DNM3: variants seen among roughly 807,000 people sequenced by gnomAD.
DNM3 encodes dynamin-3.
In DNM3, 47 loss-of-function variants were observed where a neutral mutation model predicts 101.6. That is an observed-to-expected ratio of 0.46 (90% CI 0.37 to 0.59). The LOEUF (loss-of-function observed/expected upper bound fraction) is 0.59. DNM3 is among the 20% of genes least tolerant of loss of function. DNM3 has a pLI of 0.00. For missense variants in DNM3, 849 were observed against 1,085.7 expected (o/e 0.78, Z 3.06); for synonymous variants, 385 against 387.9 (o/e 0.99, Z 0.09).
chr1:172,257,505 A>G (rs984280582), intron 15 of DNM3, among the ~76,000 whole-genome samples: 1 of 152,044 alleles, frequency 6.6e-6, no homozygotes. Flanking sequence ...TTCATTCCTA[A>G]TAATGCACTT....
At chr1:172,145,300 T>TTCTGTCTG (rs1553394385) in intron 14 of DNM3, among the ~76,000 whole-genome samples, 1 of 150,892 alleles carries the variant, frequency 6.6e-6, no homozygotes, top group East Asian at 2.0e-4. Context: ...GCAGATAAGT[T>TTCTGTCTG]TCTGTCTGTC....
At chr1:172,029,908 G>T (rs1393204957) in intron 4 of DNM3, among the ~76,000 whole-genome samples, 1 of 152,046 alleles carries the variant, frequency 6.6e-6, no homozygotes, top group Non-Finnish European at 1.5e-5. Flanking sequence ...AATAAAAGAG[G>T]ATACAAATAA....
chr1:172,395,090 C>G (rs530098584), intron 20 of DNM3, among the ~76,000 whole-genome samples: 11 of 152,238 alleles, frequency 7.2e-5, no homozygotes, highest in African/African-American at 2.4e-4. Context: ...AGCTCTTTCA[C>G]CTCTAAATTT....
intron 20 of DNM3, among the ~76,000 whole-genome samples, chr1:172,396,695 T>A (rs1380963951): frequency 6.6e-6 from 1 of 152,244 alleles, no homozygotes; most frequent in Non-Finnish European, 1.5e-5. Flanking sequence ...TACCACTTGC[T>A]TCCATCATGT....
chr1:172,320,388 TA>T (rs1268509136), intron 16 of DNM3, among the ~76,000 whole-genome samples: 1 of 88,570 alleles, frequency 1.1e-5, no homozygotes, highest in African/African-American at 5.6e-5. Context: ...ATAATAATAA[TA>T]AAAAAAAGAA....
chr1:172,035,072 GGAGA>G (rs2048860840), intron 6 of DNM3, among the ~76,000 whole-genome samples: 1 of 152,214 alleles, frequency 6.6e-6, no homozygotes, highest in African/African-American at 2.4e-5. Flanking sequence ...AAGGGCCAGT[GGAGA>G]GTAAAAAAAG....
intron 14 of DNM3, among the ~76,000 whole-genome samples, chr1:172,154,599 G>T (rs2058267378): frequency 6.6e-6 from 1 of 152,076 alleles, no homozygotes; most frequent in South Asian, 2.1e-4. Context: ...AAACTAAAGT[G>T]AATGGCAAAG....
At chr1:172,331,803 C>G (rs2066197669) in intron 17 of DNM3, among the ~76,000 whole-genome samples, 1 of 152,046 alleles carries the variant, frequency 6.6e-6, no homozygotes, top group Non-Finnish European at 1.5e-5. Context: ...TTACTACTGT[C>G]AAAGTTTGAT....
chr1:172,159,894 G>A (rs2058480231), intron 14 of DNM3, among the ~76,000 whole-genome samples: 1 of 151,984 alleles, frequency 6.6e-6, no homozygotes, highest in Admixed American at 6.6e-5. Flanking sequence ...AGGTGGTAGA[G>A]CCTGCTATAT....
chr1:172,333,951 A>T (rs2066305521), intron 17 of DNM3, among the ~76,000 whole-genome samples: 2 of 152,170 alleles, frequency 1.3e-5, no homozygotes, highest in African/African-American at 4.8e-5. Flanking sequence ...TAGTCTCATA[A>T]ATTTTCTCAT....
chr1:172,330,711 G>T (rs2066145238), intron 17 of DNM3, among the ~76,000 whole-genome samples: 1 of 152,022 alleles, frequency 6.6e-6, no homozygotes, highest in Non-Finnish European at 1.5e-5. Flanking sequence ...TGAAGAGGAA[G>T]ATACTTAAAT....
At chr1:172,201,324 T>A (rs1191236171) in intron 14 of DNM3, among the ~76,000 whole-genome samples, 1 of 152,148 alleles carries the variant, frequency 6.6e-6, no homozygotes, top group Non-Finnish European at 1.5e-5. Flanking sequence ...CTGTAGATCA[T>A]GACTTGGTAC....
At chr1:171,873,262 G>A (rs1222956878) in intron 1 of DNM3, among the ~76,000 whole-genome samples, 1 of 152,160 alleles carries the variant, frequency 6.6e-6, no homozygotes, top group East Asian at 1.9e-4. Context: ...GAAGGGTACA[G>A]CATGGTGCCT....
chr1:172,348,705 CA>C (rs1252119728), intron 17 of DNM3, among the ~76,000 whole-genome samples: 5 of 151,992 alleles, frequency 3.3e-5, no homozygotes, highest in African/African-American at 1.2e-4. Flanking sequence ...TATTTAGGTA[CA>C]AAAGAGACAA....
At chr1:172,075,183 A>G (rs2052550465) in intron 11 of DNM3, among the ~76,000 whole-genome samples, 1 of 149,872 alleles carries the variant, frequency 6.7e-6, no homozygotes, top group South Asian at 2.1e-4. Flanking sequence ...GTAAATTTGT[A>G]TACGTTCTTT....
intron 13 of DNM3, among the ~76,000 whole-genome samples, chr1:172,107,183 A>G (rs1438032375): frequency 6.6e-6 from 1 of 152,212 alleles, no homozygotes; most frequent in East Asian, 1.9e-4. Flanking sequence ...TTTATAAAAA[A>G]ATAATGAATA....
At chr1:172,050,534 C>G (rs377750766) in intron 10 of DNM3, among the ~76,000 whole-genome samples, 1 of 152,156 alleles carries the variant, frequency 6.6e-6, no homozygotes, top group South Asian at 2.1e-4. Flanking sequence ...GAAAACTAAA[C>G]TGAATGCTAT....
intron 14 of DNM3, chr1:172,138,168 G>A (rs964318984): frequency 6.6e-6 from 1 of 152,000 alleles, no homozygotes. Context: ...GTCAAAAGAG[G>A]AGAAACTATT....
At chr1:171,997,214 C>T (rs1356076939) in intron 4 of DNM3, among the ~76,000 whole-genome samples, 1 of 152,058 alleles carries the variant, frequency 6.6e-6, no homozygotes, top group Non-Finnish European at 1.5e-5. Flanking sequence ...AACTACTGCC[C>T]ACACCCATAT....
Sources: allele counts gnomAD v4.1 joint callset (sites outside exome capture counted in the v4.1 genomes callset), GRCh38; gene constraint gnomAD v4.1.1; transcripts MANE v1.5; gene names NCBI Gene and HGNC (gene_info 2026-07-23, HGNC 2026-07-21).